The following ST6GALNAC3 variants were observed in gnomAD, a reference collection of about 807,000 sequenced individuals.
The protein encoded by ST6GALNAC3 is alpha-N-acetylgalactosaminide alpha-2,6-sialyltransferase 3.
A neutral mutation model predicts 32.7 loss-of-function variants in ST6GALNAC3; 25 were observed. That is an observed-to-expected ratio of 0.76 (90% CI 0.56 to 1.07). The LOEUF (loss-of-function observed/expected upper bound fraction) is 1.07. Ranked by LOEUF, ST6GALNAC3 falls within the 50% of genes least tolerant of loss-of-function variation. The probability of loss-of-function intolerance (pLI) is 0.00; values close to 1 mark genes in which losing one functional copy is unlikely to be tolerated. For missense variants in ST6GALNAC3, 355 were observed against 382.4 expected (o/e 0.93, Z 0.60); for synonymous variants, 129 against 133.1 (o/e 0.97, Z 0.21).
intron 2 of ST6GALNAC3, among the ~76,000 whole-genome samples, chr1:76,325,799 A>G (rs1647057509): frequency 6.6e-6 from 1 of 150,706 alleles, no homozygotes; most frequent in African/African-American, 2.4e-5. Flanking sequence ...ACAAATATAT[A>G]TATATATATT....
chr1:76,500,841 C>T (rs1016802826), intron 3 of ST6GALNAC3, among the ~76,000 whole-genome samples: 2 of 152,152 alleles, frequency 1.3e-5, no homozygotes. Flanking sequence ...TATAGATGTA[C>T]ACTCAAGTAT....
intron 3 of ST6GALNAC3, among the ~76,000 whole-genome samples, chr1:76,590,518 A>T (rs1487582961): frequency 2.6e-5 from 4 of 152,188 alleles, no homozygotes; most frequent in Admixed American, 2.6e-4. Context: ...CATGGTGGAG[A>T]TTTTAACAAC....
chr1:76,229,794 G>A (rs1413121865), intron 1 of ST6GALNAC3, among the ~76,000 whole-genome samples: 1 of 152,112 alleles, frequency 6.6e-6, no homozygotes, highest in Non-Finnish European at 1.5e-5. Flanking sequence ...GTGTGGAAAG[G>A]GCAGAGCAGT....
chr1:76,619,303 A>G (rs1193486036), intron 3 of ST6GALNAC3, among the ~76,000 whole-genome samples: 1 of 152,150 alleles, frequency 6.6e-6, no homozygotes, highest in Non-Finnish European at 1.5e-5. Context: ...TTTAACGTTT[A>G]TGTAAAAACT....
chr1:76,344,463 T>G (rs1648325027), intron 2 of ST6GALNAC3, among the ~76,000 whole-genome samples: 1 of 152,202 alleles, frequency 6.6e-6, no homozygotes, highest in Non-Finnish European at 1.5e-5. Context: ...GACATACTTT[T>G]TCATTTACTA....
At chr1:76,637,124 G>T (rs1484912187), downstream of ST6GALNAC3, 3 of 152,134 alleles carry the variant, frequency 2.0e-5, no homozygotes, top group African/African-American at 7.2e-5. Flanking sequence ...ACCATGCATT[G>T]TTGAGAGTTC....
intron 3 of ST6GALNAC3, among the ~76,000 whole-genome samples, chr1:76,550,813 C>A (rs540535699): frequency 1.8e-4 from 27 of 152,070 alleles, no homozygotes; most frequent in Non-Finnish European, 3.1e-4. Flanking sequence ...TGCAATGGAG[C>A]GATCTCAGTT....
chr1:76,556,400 T>A (rs772007352), intron 3 of ST6GALNAC3, among the ~76,000 whole-genome samples: 1 of 152,124 alleles, frequency 6.6e-6, no homozygotes, highest in Non-Finnish European at 1.5e-5. Context: ...TACCTGCCTG[T>A]GAGTGGAATT....
chr1:76,463,930 G>A (rs868172139), intron 3 of ST6GALNAC3, among the ~76,000 whole-genome samples: 1 of 152,084 alleles, frequency 6.6e-6, no homozygotes, highest in African/African-American at 2.4e-5. Context: ...CTCCCTCCTT[G>A]CAAGGTCACC....
At chr1:76,078,039 A>G (rs1181269962) in intron 1 of ST6GALNAC3, among the ~76,000 whole-genome samples, 2 of 152,276 alleles carry the variant, frequency 1.3e-5, no homozygotes, top group Admixed American at 1.3e-4. Flanking sequence ...GAGAGCAATT[A>G]CCCCTGTCAT....
chr1:76,238,645 G>C (rs894068231), intron 1 of ST6GALNAC3, among the ~76,000 whole-genome samples: 2 of 152,144 alleles, frequency 1.3e-5, no homozygotes, highest in Admixed American at 1.3e-4. Context: ...AGTTCAGAGG[G>C]GGAAGGAACC....
intron 3 of ST6GALNAC3, among the ~76,000 whole-genome samples, chr1:76,444,721 G>A (rs897000260): frequency 5.9e-5 from 9 of 152,088 alleles, no homozygotes; most frequent in African/African-American, 2.2e-4. Flanking sequence ...AGGAAACAGA[G>A]GAACAGCTTC....
chr1:76,416,561 A>C (rs1227089974), intron 3 of ST6GALNAC3, among the ~76,000 whole-genome samples: 1 of 150,946 alleles, frequency 6.6e-6, no homozygotes, highest in Non-Finnish European at 1.5e-5. Context: ...AAAAATACTT[A>C]AAAAAAAATA....
intron 1 of ST6GALNAC3, among the ~76,000 whole-genome samples, chr1:76,186,814 A>T (rs563555577): frequency 7.2e-5 from 11 of 152,192 alleles, no homozygotes; most frequent in Admixed American, 7.2e-4. Flanking sequence ...CCTCCATTCT[A>T]CGGCAGTTTT....
At chr1:76,516,321 AT>A (rs1038826024) in intron 3 of ST6GALNAC3, among the ~76,000 whole-genome samples, 21 of 152,116 alleles carry the variant, frequency 1.4e-4, no homozygotes, top group African/African-American at 4.8e-4. Flanking sequence ...TATATTATAC[AT>A]TTCCTTCTTT....
At chr1:76,444,558 A>C (rs1656837440) in intron 3 of ST6GALNAC3, among the ~76,000 whole-genome samples, 1 of 152,222 alleles carries the variant, frequency 6.6e-6, no homozygotes, top group Admixed American at 6.5e-5. Context: ...AGTAGAGATT[A>C]GTTTTTCTGA....
At chr1:76,178,598 G>T (rs1209728277) in intron 1 of ST6GALNAC3, among the ~76,000 whole-genome samples, 1 of 152,072 alleles carries the variant, frequency 6.6e-6, no homozygotes, top group African/African-American at 2.4e-5. Flanking sequence ...TGTACAGCCG[G>T]GTATGAAAAC....
chr1:76,134,340 A>G (rs1014071876), intron 1 of ST6GALNAC3, among the ~76,000 whole-genome samples: 5 of 152,230 alleles, frequency 3.3e-5, no homozygotes, highest in Admixed American at 6.5e-5. Flanking sequence ...GGCACTTTCC[A>G]TATAAATTGT....
chr1:76,358,448 T>G (rs758932703), intron 2 of ST6GALNAC3, among the ~76,000 whole-genome samples: 1 of 152,184 alleles, frequency 6.6e-6, no homozygotes, highest in Non-Finnish European at 1.5e-5. Context: ...TGACAGCTTC[T>G]TCTCCCTTAC....
Sources: allele counts gnomAD v4.1 joint callset (sites outside exome capture counted in the v4.1 genomes callset), GRCh38; gene constraint gnomAD v4.1.1; transcripts MANE v1.5; gene names NCBI Gene and HGNC (gene_info 2026-07-23, HGNC 2026-07-21).